Variants in SOS2 observed in about 807,000 individuals in gnomAD.
SOS2 encodes SOS Ras/Rho guanine nucleotide exchange factor 2.
In SOS2, 65 loss-of-function variants were observed where a neutral mutation model predicts 148.2. The observed-to-expected ratio is 0.44, with a 90% CI of 0.36 to 0.54. The LOEUF (loss-of-function observed/expected upper bound fraction) is 0.54, where lower values mean the gene tolerates loss of function less well. SOS2 is among the 20% of genes least tolerant of loss of function. The pLI is 0.00. For synonymous variants in SOS2, 539 were observed against 537.1 expected (o/e 1.00, Z -0.05); for missense variants, 1,341 against 1,590.2 (o/e 0.84, Z 2.67).
At chr14:50,225,973 CA>C (rs1887358768) in intron 1 of SOS2, among the ~76,000 whole-genome samples, 1 of 151,596 alleles carries the variant, frequency 6.6e-6, no homozygotes, top group Non-Finnish European at 1.5e-5. Context: ...ACAAACAAAT[CA>C]TGTTCTTACT....
intron 1 of SOS2, among the ~76,000 whole-genome samples, chr14:50,227,297 T>A (rs1345151826): frequency 7.2e-6 from 1 of 138,834 alleles, no homozygotes; most frequent in African/African-American, 2.7e-5. Context: ...CAGGCTGGAG[T>A]GCAGTGGTGC....
In SOS2 at chr14:50,139,915, A is replaced by ATATTT. The variant is rs752388560; in HGVS notation, c.2785+26_2785+27insAAATA. 8.9e-4 allele frequency: 1,043 copies of ATATTT among 1,167,220 alleles called. 1 individual carries two copies. Among genetic ancestry groups the ATATTT allele is most frequent in the Non-Finnish European group, 1.2e-3 (965 of 778,084 alleles). The allele number at this position is 1,167,220 out of a possible 1,614,324, so 72.3% of individuals were successfully genotyped here. A position where few individuals can be genotyped will look rare whatever the true frequency, so the allele number is the denominator to read the frequency against. Reference sequence around the variant, plus strand: ...TTTTGGCTATCACACGCTCACCCTCAAAATATATCCATATTTAGTAACTTA... The same window carrying ATATTT: ...TTTTGGCTATCACACGCTCACCCTCATATTTAAATATATCCATATTTAGTAACTTA... On this transcript the variant is annotated intron_variant, in intron 17 of 22. Transcript: ENST00000216373.
At chr14:50,121,013 C>T (rs572382178) in intron 21 of SOS2, among the ~76,000 whole-genome samples, 4 of 152,212 alleles carry the variant, frequency 2.6e-5, no homozygotes, top group South Asian at 4.2e-4. Flanking sequence ...GCTAGGATTA[C>T]AGGCATGAAC....
In SOS2 at chr14:50,220,988, G is replaced by A. The variant is rs906353048; in HGVS notation, c.87+10209C>T. 5.9e-5 allele frequency among the ~76,000 whole-genome samples: 9 copies of A among 152,238 alleles called. No homozygotes were observed. The South Asian group carries it at 6.2e-4, about 11-fold the overall frequency. On this transcript the variant is annotated intron_variant, in intron 1 of 22. Transcript: ENST00000216373. ...GAAATCAGTGTTCTTTGCAGAACGT[G>A]AAATTTTAAGACTCATATTCTATCA...
chr14:50,129,850 A>G, intron 21 of SOS2, 111 bp downstream of exon 21: 3 of 637,778 alleles, frequency 4.7e-6, no homozygotes, highest in Non-Finnish European at 8.2e-6. Flanking sequence ...AAATTTATTT[A>G]TAACTTTTCT....
At chr14:50,185,056 G>C (rs1405398773) in intron 5 of SOS2, among the ~76,000 whole-genome samples, 1 of 152,172 alleles carries the variant, frequency 6.6e-6, no homozygotes, top group Non-Finnish European at 1.5e-5. Flanking sequence ...TCATTTTAAA[G>C]TCCTTCATAA....
At chr14:50,173,497 C>CT (rs1885433645) in intron 8 of SOS2, among the ~76,000 whole-genome samples, 1 of 152,008 alleles carries the variant, frequency 6.6e-6, no homozygotes, top group Non-Finnish European at 1.5e-5. Flanking sequence ...TCTCTGCTCA[C>CT]TGCAAGCTCC....
chr14:50,188,359 G>C (rs1396639185), intron 5 of SOS2, 138 bp downstream of exon 5: 1 of 617,514 alleles, frequency 1.6e-6, no homozygotes, highest in East Asian at 3.1e-5. Flanking sequence ...TGCGAGCTGA[G>C]ATCACGCCAC....
At chr14:50,146,482 A>C (rs1884475991) in intron 14 of SOS2, among the ~76,000 whole-genome samples, 1 of 151,906 alleles carries the variant, frequency 6.6e-6, no homozygotes, top group Non-Finnish European at 1.5e-5. Context: ...CATCTCTACT[A>C]AAAATACAAA....
At chr14:50,136,296 T>G (rs1391672227) in intron 18 of SOS2, among the ~76,000 whole-genome samples, 1 of 152,234 alleles carries the variant, frequency 6.6e-6, no homozygotes, top group Non-Finnish European at 1.5e-5. Flanking sequence ...CATTTTAAAT[T>G]TATTTTGTTT....
intron 8 of SOS2, among the ~76,000 whole-genome samples, chr14:50,164,018 C>A (rs952648758): frequency 6.6e-6 from 1 of 152,160 alleles, no homozygotes; most frequent in Non-Finnish European, 1.5e-5. Context: ...CTCTGTTTGG[C>A]ATAATAATCT....
Position 50,231,321 on chromosome 14 carries a change from G to T in SOS2, c.-38C>A. ...AGCGCCTCCGCATCGGGGGCAGCCCGCGGGCCGGGCCGGTGGCCTGACAGG... is the reference window on the plus strand; with the variant it reads ...AGCGCCTCCGCATCGGGGGCAGCCCTCGGGCCGGGCCGGTGGCCTGACAGG... On this transcript the variant is annotated 5_prime_UTR_variant, in exon 1 of 23. Transcript: ENST00000216373. The T allele has an allele frequency of 8.1e-7, 1 of 1,231,200 alleles. No homozygotes were observed. The highest frequency in any genetic ancestry group is 1.1e-6 in the Non-Finnish European group (1 of 937,204). 76.3% of individuals were successfully genotyped at this position (1,231,200 alleles called of 1,614,324 possible). A position where few individuals can be genotyped will look rare whatever the true frequency, so the allele number is the denominator to read the frequency against.
intron 1 of SOS2, among the ~76,000 whole-genome samples, chr14:50,213,438 C>T (rs1014019478): frequency 1.3e-5 from 2 of 152,124 alleles, no homozygotes; most frequent in Admixed American, 6.5e-5. Context: ...TGGTTCATGC[C>T]TATGATCTCA....
At chr14:50,170,428 G>A (rs1372881106) in intron 8 of SOS2, among the ~76,000 whole-genome samples, 2 of 151,878 alleles carry the variant, frequency 1.3e-5, no homozygotes, top group Non-Finnish European at 2.9e-5. Flanking sequence ...GCTCATGCCT[G>A]TAATCCCAGG....
chr14:50,199,893 C>T, intron 3 of SOS2, 38 bp from the exon 4 acceptor site: 2 of 1,335,138 alleles, frequency 1.5e-6, no homozygotes, highest in South Asian at 1.3e-5. Flanking sequence ...CAAAATGTAG[C>T]ACTGTCAAGT....
chr14:50,221,676 G>C (rs1415424423), intron 1 of SOS2, among the ~76,000 whole-genome samples: 1 of 152,098 alleles, frequency 6.6e-6, no homozygotes, highest in Non-Finnish European at 1.5e-5. Flanking sequence ...GCATCTTTAA[G>C]ATTTTTAAAA....
intron 1 of SOS2, among the ~76,000 whole-genome samples, chr14:50,227,652 C>T (rs1887419462): frequency 6.6e-6 from 1 of 152,194 alleles, no homozygotes; most frequent in Non-Finnish European, 1.5e-5. Context: ...GTCTCGATCT[C>T]CTGACCTCAG....
At chr14:50,124,918 T>C (rs1161568768) in intron 21 of SOS2, among the ~76,000 whole-genome samples, 1 of 152,230 alleles carries the variant, frequency 6.6e-6, no homozygotes, top group Non-Finnish European at 1.5e-5. Flanking sequence ...CTATTAAATT[T>C]CAAAATGTAA....
At chr14:50,158,858 C>A (rs1422606212) in intron 10 of SOS2, among the ~76,000 whole-genome samples, 3 of 152,076 alleles carry the variant, frequency 2.0e-5, no homozygotes, top group Non-Finnish European at 1.5e-5. Flanking sequence ...TATGGTATAT[C>A]CTTAATAAGC....
Sources: gnomAD v4.1 joint callset for allele counts (sites outside exome capture counted in the v4.1 genomes callset) on GRCh38, gnomAD v4.1.1 for gene constraint, MANE v1.5 for transcripts, NCBI Gene and HGNC (gene_info 2026-07-23, HGNC 2026-07-21) for gene names.